BLOC1S6: variants seen among roughly 807,000 people sequenced by gnomAD.
BLOC1S6 encodes the protein biogenesis of lysosome-related organelles complex 1 subunit 6.
Under a neutral mutation model 24.7 loss-of-function variants are expected in BLOC1S6, and 24 were observed. The observed-to-expected ratio is 0.97, with a 90% CI of 0.70 to 1.37. BLOC1S6 has a LOEUF of 1.37. BLOC1S6 is among the 40% of genes most tolerant of loss of function. The pLI is 0.00. For missense variants in BLOC1S6, 175 were observed against 196.2 expected, an observed-to-expected ratio of 0.89 and a Z score of 0.64; for synonymous variants, 76 against 72.6, an observed-to-expected ratio of 1.05 and a Z score of -0.23.
At chr15:45,595,765 G>T (rs1413071190) in intron 2 of BLOC1S6, among the ~76,000 whole-genome samples, 1 of 152,124 alleles carries the variant, frequency 6.6e-6, no homozygotes, top group Non-Finnish European at 1.5e-5. Context: ...AGAAGTTCTA[G>T]TTTTGCATTT....
At chr15:45,594,501 T>C (rs966467428) in intron 2 of BLOC1S6, among the ~76,000 whole-genome samples, 6 of 152,152 alleles carry the variant, frequency 3.9e-5, no homozygotes, top group African/African-American at 1.4e-4. Context: ...TTCACAAACA[T>C]TGTCAGCATA....
intron 2 of BLOC1S6, among the ~76,000 whole-genome samples, chr15:45,594,716 T>C (rs1203173521): frequency 6.6e-6 from 1 of 152,072 alleles, no homozygotes; most frequent in Non-Finnish European, 1.5e-5. Flanking sequence ...CCCAAGTAGA[T>C]GGGATTACAA....
intron 2 of BLOC1S6, among the ~76,000 whole-genome samples, chr15:45,601,024 G>A (rs533089869): frequency 1.3e-5 from 2 of 152,274 alleles, no homozygotes; most frequent in South Asian, 4.1e-4. Flanking sequence ...GGATTTTCAG[G>A]TTATGGATGT....
chr15:45,587,974 C>G, intron 1 of BLOC1S6: 1 of 575,548 alleles, frequency 1.7e-6, no homozygotes. Context: ...CGACCGAGTT[C>G]CAGGAGGGAT....
At chr15:45,587,595 T>A in intron 1 of BLOC1S6, 70 bp downstream of exon 1, 2 of 1,429,158 alleles carry the variant, frequency 1.4e-6, no homozygotes, top group Non-Finnish European at 1.9e-6. Flanking sequence ...TGAGTAGAAC[T>A]CCGGAGAAAC....
At chr15:45,604,231 A>G (rs1005877502) in intron 3 of BLOC1S6, among the ~76,000 whole-genome samples, 1 of 151,728 alleles carries the variant, frequency 6.6e-6, no homozygotes, top group Non-Finnish European at 1.5e-5. Flanking sequence ...CTGGGTTTAC[A>G]TGACTGTAGC....
At chr15:45,596,772 A>G (rs1894093410) in intron 2 of BLOC1S6, among the ~76,000 whole-genome samples, 1 of 151,466 alleles carries the variant, frequency 6.6e-6, no homozygotes, top group Admixed American at 6.6e-5. Context: ...TCTGCCTCTC[A>G]GGTTCGTGAT....
intron 3 of BLOC1S6, among the ~76,000 whole-genome samples, chr15:45,604,802 C>T (rs932901751): frequency 6.6e-6 from 1 of 152,198 alleles, no homozygotes; most frequent in African/African-American, 2.4e-5. Flanking sequence ...AGGCTTGCAT[C>T]ATCCTCCCAT....
rs752899247 is a variant in BLOC1S6, at chr15:45,605,433, T to C, written c.318T>C (p.Ala106=). 1.6e-5 allele frequency: 25 copies of C among 1,609,448 alleles called. No homozygotes were observed. In the African/African-American group the frequency reaches 3.2e-4, roughly 21 times the overall value. The change falls in exon 4 of 5, where the codon GCT becomes GCC. Residue 106 remains alanine, a synonymous_variant. Transcript: ENST00000220531. ...ATTTATTTTTCCATGTTAAGTTTGC[T>C]GAGGCTAAACACTATCATGCCAAGT... The part of the protein sequence containing the change: ...HSMLDINALF[A]EAKHYHAKLV...
At chr15:45,606,283 G>A (rs1894456493) in intron 4 of BLOC1S6, 112 bp from the exon 5 acceptor site, 2 of 1,424,624 alleles carry the variant, frequency 1.4e-6, no homozygotes, top group East Asian at 4.6e-5. Flanking sequence ...CCAAGATGAA[G>A]TTTATTAGTG....
Position 45,594,637 on chromosome 15 carries a change from G to A in BLOC1S6, c.224+2361G>A, listed in dbSNP as rs543827991. On this transcript the variant is annotated intron_variant, in intron 2 of 4. Coordinates refer to ENST00000220531, the MANE Select transcript of BLOC1S6 (RefSeq NM_012388.4). ...CTCATTCTGTCATCCAGGTTGGAGT[G>A]CAGTGGTGGGATCTCGGCTCACTGC... Among the ~76,000 whole-genome samples the A allele has an allele frequency of 1.7e-4, 26 of 152,272 alleles. 1 individual carries two copies. In the South Asian group the frequency reaches 4.6e-3, roughly 27 times the overall value.
intron 1 of BLOC1S6, 35 bp from the exon 2 acceptor site, chr15:45,592,100 A>T: frequency 6.2e-7 from 1 of 1,611,558 alleles, no homozygotes; most frequent in Non-Finnish European, 8.5e-7. Flanking sequence ...TAAAATAAAT[A>T]AAAGGTTCCT....
intron 3 of BLOC1S6, among the ~76,000 whole-genome samples, chr15:45,604,083 TG>T (rs1894360425): frequency 6.6e-6 from 1 of 152,004 alleles, no homozygotes. Context: ...TAGTTTTGTT[TG>T]TGGGCAGGGC....
intron 3 of BLOC1S6, among the ~76,000 whole-genome samples, chr15:45,604,778 TC>T (rs776369928): frequency 5.3e-5 from 8 of 152,224 alleles, no homozygotes; most frequent in Non-Finnish European, 1.0e-4. Context: ...TTTCTCCTTC[TC>T]TCTGACATCT....
intron 4 of BLOC1S6, 167 bp downstream of exon 4, chr15:45,605,681 C>T (rs759499818): frequency 4.2e-5 from 23 of 552,580 alleles, no homozygotes; most frequent in Middle Eastern, 5.4e-4. Flanking sequence ...CCTCTGCCTC[C>T]GGGGTTGAAG....
intron 2 of BLOC1S6, among the ~76,000 whole-genome samples, chr15:45,602,062 G>A (rs1894289800): frequency 6.6e-6 from 1 of 151,896 alleles, no homozygotes; most frequent in Non-Finnish European, 1.5e-5. Flanking sequence ...TTGTGTGTGT[G>A]TGTGTTTTTT....
At position 45,587,389 on chromosome 15, in the gene BLOC1S6, T is replaced by C. The variant is rs558511985; in HGVS notation, c.-55T>C. ...GCCGCTGGAGTCGTTAGGTGCCGCC[T>C]TGCTTCTGACGAGCCACACGTTTGC... On this transcript the variant is annotated 5_prime_UTR_variant, in exon 1 of 5. Coordinates refer to ENST00000220531, the MANE Select transcript of BLOC1S6 (RefSeq NM_012388.4). 6.7e-7 allele frequency: 1 copy of C among 1,493,718 alleles called. No individual in the cohort carries two copies. Among genetic ancestry groups the C allele is most frequent in the East Asian group, 2.5e-5 (1 of 40,590 alleles). The allele number at this position is 1,493,718 out of a possible 1,614,324, so 92.5% of individuals were successfully genotyped here.
At chr15:45,590,532 C>A (rs146155966) in intron 1 of BLOC1S6, among the ~76,000 whole-genome samples, 1 of 151,510 alleles carries the variant, frequency 6.6e-6, no homozygotes, top group Non-Finnish European at 1.5e-5. Context: ...CTTAGCTTCT[C>A]GAGTAGCTGA....
At position 45,606,575 on chromosome 15, in the gene BLOC1S6, T is replaced by A; in HGVS notation, c.*61T>A. 6.2e-7 allele frequency: 1 copy of A among 1,610,512 alleles called. No homozygotes were observed. Among genetic ancestry groups the A allele is most frequent in the Non-Finnish European group, 8.5e-7 (1 of 1,176,854 alleles). On this transcript the variant is annotated 3_prime_UTR_variant, in exon 5 of 5. Transcript: ENST00000220531. Reference sequence around the variant, plus strand: ...TATTTGGGTTATGATGACTCAAGTGTAGACTGAAGTTGAGGTAGTGCCTTA... The same window carrying A: ...TATTTGGGTTATGATGACTCAAGTGAAGACTGAAGTTGAGGTAGTGCCTTA...
Sources: allele counts gnomAD v4.1 joint callset (sites outside exome capture counted in the v4.1 genomes callset), GRCh38; gene constraint gnomAD v4.1.1; transcripts MANE v1.5; gene names NCBI Gene and HGNC (gene_info 2026-07-23, HGNC 2026-07-21).